CSMD1: variants seen among roughly 807,000 people sequenced by gnomAD.
CSMD1 encodes the protein CUB and sushi domain-containing protein 1.
Under a neutral mutation model 417.5 loss-of-function variants are expected in CSMD1, and 213 were observed. The observed-to-expected ratio is 0.51, with a 90% CI of 0.46 to 0.57. CSMD1 has a LOEUF of 0.57. Ranked by LOEUF, CSMD1 falls within the 20% of genes least tolerant of loss-of-function variation. CSMD1 has a pLI of 0.00. For synonymous variants in CSMD1, 2,862 were observed against 1,736.8 expected (o/e 1.65, Z -16.11); for missense variants, 6,923 against 4,529.7 (o/e 1.53, Z -15.17).
At chr8:4,323,348 G>C (rs1055383621) in intron 3 of CSMD1, among the ~76,000 whole-genome samples, 1 of 152,186 alleles carries the variant, frequency 6.6e-6, no homozygotes, top group Non-Finnish European at 1.5e-5. Context: ...TGAAAAGTGA[G>C]AAATATAAAC....
chr8:4,191,121 G>C (rs552088555), intron 3 of CSMD1, among the ~76,000 whole-genome samples: 1 of 152,094 alleles, frequency 6.6e-6, no homozygotes, highest in Non-Finnish European at 1.5e-5. Context: ...ACAAGGCCAG[G>C]CGAGGTAGCT....
chr8:3,819,765 A>T (rs1801616674), intron 5 of CSMD1, among the ~76,000 whole-genome samples: 1 of 152,104 alleles, frequency 6.6e-6, no homozygotes, highest in Non-Finnish European at 1.5e-5. Context: ...ATTTTTAAAA[A>T]TTATATAGAG....
At chr8:4,322,992 T>C (rs1799353002) in intron 3 of CSMD1, among the ~76,000 whole-genome samples, 1 of 152,056 alleles carries the variant, frequency 6.6e-6, no homozygotes, top group Non-Finnish European at 1.5e-5. Flanking sequence ...CTCAAAAAAC[T>C]ACACTAAAAT....
chr8:3,555,762 AT>A (rs1468423128), intron 10 of CSMD1, among the ~76,000 whole-genome samples: 1 of 152,130 alleles, frequency 6.6e-6, no homozygotes, highest in African/African-American at 2.4e-5. Context: ...TGTATCTCTA[AT>A]TTTAGATAGT....
chr8:4,303,639 A>C (rs1798101320), intron 3 of CSMD1, among the ~76,000 whole-genome samples: 1 of 151,848 alleles, frequency 6.6e-6, no homozygotes, highest in Admixed American at 6.6e-5. Context: ...GTGACTGGGA[A>C]GTTTTTCACT....
intron 1 of CSMD1, among the ~76,000 whole-genome samples, chr8:4,727,850 T>A (rs1335239144): frequency 6.7e-6 from 1 of 149,582 alleles, no homozygotes; most frequent in Non-Finnish European, 1.5e-5. Context: ...TATATATACA[T>A]ATTGGATATA....
At chr8:4,924,097 T>C (rs1211491621) in intron 1 of CSMD1, among the ~76,000 whole-genome samples, 1 of 152,210 alleles carries the variant, frequency 6.6e-6, no homozygotes, top group East Asian at 1.9e-4. Context: ...TCTGCCGTCA[T>C]GATTCTGACA....
chr8:4,023,023 T>A (rs1472314419), intron 4 of CSMD1, among the ~76,000 whole-genome samples: 3 of 152,240 alleles, frequency 2.0e-5, no homozygotes, highest in African/African-American at 7.2e-5. Flanking sequence ...GTGTTTTTCT[T>A]CTTCCTGAGC....
intron 10 of CSMD1, among the ~76,000 whole-genome samples, chr8:3,500,763 G>A (rs1317010288): frequency 2.0e-5 from 3 of 152,150 alleles, no homozygotes; most frequent in East Asian, 1.9e-4. Context: ...GATAACCATG[G>A]CAAGAAAGAA....
chr8:4,099,458 C>T (rs1801192075), intron 3 of CSMD1, among the ~76,000 whole-genome samples: 1 of 152,108 alleles, frequency 6.6e-6, no homozygotes, highest in Non-Finnish European at 1.5e-5. Flanking sequence ...ATTCCTAAGC[C>T]TCCAACAATC....
chr8:2,938,507 T>C lies in CSMD1; in HGVS notation c.*78A>G. 5.2e-6 allele frequency: 7 copies of C among 1,355,924 alleles called. No individual in the cohort carries two copies. Among genetic ancestry groups the C allele is most frequent in the Non-Finnish European group, 1.0e-6 (1 of 991,258 alleles). 84.0% of individuals were successfully genotyped at this position (1,355,924 alleles called of 1,614,324 possible). ...AGTAAAGCCAGAGTGGAAGGGAGAG[T>C]GGTATATGGCACCAAAGGAATCACT... is the stretch of plus-strand genomic sequence containing the variant. On this transcript the variant is annotated 3_prime_UTR_variant, in exon 70 of 70. Transcript: ENST00000635120.
chr8:3,094,501 T>G (rs1815164894), intron 47 of CSMD1, among the ~76,000 whole-genome samples: 1 of 152,184 alleles, frequency 6.6e-6, no homozygotes, highest in South Asian at 2.1e-4. Flanking sequence ...GGAATAGTCT[T>G]TAAAAGCACA....
intron 1 of CSMD1, among the ~76,000 whole-genome samples, chr8:4,906,447 GTTCA>G (rs1730689170): frequency 6.6e-6 from 1 of 152,130 alleles, no homozygotes. Context: ...CAAGGACTGT[GTTCA>G]TTAAGTTTTT....
At chr8:4,739,105 C>T (rs553982714) in intron 1 of CSMD1, among the ~76,000 whole-genome samples, 4 of 151,844 alleles carry the variant, frequency 2.6e-5, no homozygotes, top group Admixed American at 6.6e-5. Flanking sequence ...AACATACACA[C>T]GTGCACACAC....
At chr8:4,588,779 G>A (rs866026505) in intron 2 of CSMD1, among the ~76,000 whole-genome samples, 1 of 146,466 alleles carries the variant, frequency 6.8e-6, no homozygotes, top group Non-Finnish European at 1.5e-5. Context: ...GCAAGACTCC[G>A]ACACACACAC....
intron 3 of CSMD1, among the ~76,000 whole-genome samples, chr8:4,274,763 G>T (rs993106289): frequency 6.6e-6 from 1 of 152,070 alleles, no homozygotes; most frequent in Non-Finnish European, 1.5e-5. Flanking sequence ...GGAGATACGG[G>T]ATTATTAGAA....
At chr8:3,848,157 T>A (rs1483525933) in intron 5 of CSMD1, among the ~76,000 whole-genome samples, 1 of 152,114 alleles carries the variant, frequency 6.6e-6, no homozygotes, top group East Asian at 1.9e-4. Flanking sequence ...ATGTGGTGGA[T>A]GAGAAGTTGG....
At chr8:4,191,350 C>A (rs184542239) in intron 3 of CSMD1, among the ~76,000 whole-genome samples, 3 of 152,090 alleles carry the variant, frequency 2.0e-5, no homozygotes, top group East Asian at 1.9e-4. Flanking sequence ...GAGCAGAGAT[C>A]GCGCCACTGC....
intron 2 of CSMD1, among the ~76,000 whole-genome samples, chr8:4,420,281 G>C (rs1238058): frequency 0.026 from 3,965 of 152,096 alleles, 162 homozygotes; most frequent in African/African-American, 0.09. Flanking sequence ...TAACTTGAGA[G>C]AATTTCTTCT....
Sources: gnomAD v4.1 joint callset for allele counts (sites outside exome capture counted in the v4.1 genomes callset) on GRCh38, gnomAD v4.1.1 for gene constraint, MANE v1.5 for transcripts, NCBI Gene and HGNC (gene_info 2026-07-23, HGNC 2026-07-21) for gene names.